CEP164: variants seen among roughly 807,000 people sequenced by gnomAD.
CEP164 encodes the protein centrosomal protein 164, also known as centrosomal protein of 164 kDa.
A neutral mutation model predicts 182.7 loss-of-function variants in CEP164; 162 were observed. The observed-to-expected ratio is 0.89, with a 90% CI of 0.78 to 1.01. CEP164 has a LOEUF of 1.01. CEP164 is among the 50% of genes least tolerant of loss of function. The pLI, the probability that CEP164 is intolerant of heterozygous loss-of-function variation, is 0.00. For missense variants in CEP164, 1,735 were observed against 1,790.4 expected, an observed-to-expected ratio of 0.97 and a Z score of 0.56; for synonymous variants, 661 against 690.0, an observed-to-expected ratio of 0.96 and a Z score of 0.66.
intron 17 of CEP164, among the ~76,000 whole-genome samples, chr11:117,391,487 G>A (rs997508354): frequency 3.3e-5 from 5 of 152,182 alleles, no homozygotes; most frequent in East Asian, 1.9e-4. Flanking sequence ...TGGCAGTGGC[G>A]GCTGGAGGTT....
chr11:117,408,750 A>G lies in CEP164; in HGVS notation c.3610-140A>G, dbSNP rs1043994073. 6 of 1,087,126 alleles carry G rather than the reference A, an allele frequency of 5.5e-6. No individual in the cohort carries two copies. In the African/African-American group the frequency reaches 7.9e-5, roughly 14 times the overall value. 67.3% of individuals were successfully genotyped at this position (1,087,126 alleles called of 1,614,324 possible). A position where few individuals can be genotyped will look rare whatever the true frequency, so the allele number is the denominator to read the frequency against. On this transcript the variant is annotated intron_variant, in intron 28 of 32. Transcript: ENST00000278935. Reference sequence around the variant, plus strand: ...AAATGGAGATGGCCATATTTCATGGATTTGCGTAAGAAAACCAGCTTAAAG... The same window carrying G: ...AAATGGAGATGGCCATATTTCATGGGTTTGCGTAAGAAAACCAGCTTAAAG...
chr11:117,357,270 C>T (rs2040413635), intron 5 of CEP164, among the ~76,000 whole-genome samples: 1 of 151,826 alleles, frequency 6.6e-6, no homozygotes, highest in East Asian at 1.9e-4. Context: ...CCACTCCCAG[C>T]CAATTTTTTT....
intron 4 of CEP164, among the ~76,000 whole-genome samples, chr11:117,346,406 G>A (rs1385844683): frequency 1.3e-5 from 2 of 151,960 alleles, no homozygotes; most frequent in Non-Finnish European, 2.9e-5. Context: ...TTACGTGTGT[G>A]TGCCACCACG....
At chr11:117,329,706 T>C (rs1246746915) in intron 1 of CEP164, among the ~76,000 whole-genome samples, 3 of 152,106 alleles carry the variant, frequency 2.0e-5, no homozygotes, top group African/African-American at 7.2e-5. Flanking sequence ...AACTCCTGGC[T>C]AATTTTTTGT....
chr11:117,400,843 T>C (rs1161294935), intron 27 of CEP164, among the ~76,000 whole-genome samples: 1 of 152,224 alleles, frequency 6.6e-6, no homozygotes, highest in Admixed American at 6.5e-5. Flanking sequence ...TTTTGTATCC[T>C]GAGACTTTGC....
At chr11:117,398,400 C>A (rs1024598150) in intron 27 of CEP164, among the ~76,000 whole-genome samples, 1 of 152,146 alleles carries the variant, frequency 6.6e-6, no homozygotes. Flanking sequence ...ACGGATCTAC[C>A]ATTCTGGGGG....
At chr11:117,407,483 GAA>G (rs2046837602) in intron 27 of CEP164, among the ~76,000 whole-genome samples, 1 of 130,014 alleles carries the variant, frequency 7.7e-6, no homozygotes, top group Non-Finnish European at 1.6e-5. Flanking sequence ...AAAAAAAAGA[GAA>G]AAAGAAAAAA....
intron 5 of CEP164, chr11:117,359,508 T>A: frequency 1.0e-6 from 1 of 985,414 alleles, no homozygotes; most frequent in Non-Finnish European, 1.2e-6. Flanking sequence ...GATGCAGAAA[T>A]GGGCCCTGCT....
At chr11:117,397,359 G>T (rs765402843) in intron 27 of CEP164, 46 bp downstream of exon 27, 2 of 1,554,138 alleles carry the variant, frequency 1.3e-6, no homozygotes, top group Admixed American at 1.8e-5. Flanking sequence ...TGGGGGAGGC[G>T]GGGGGAGTCA....
rs954324204 is a variant in CEP164 at position 117,405,006 on chromosome 11, C to G, written c.3502-2919C>G. Among the ~76,000 whole-genome samples the G allele has an allele frequency of 5.3e-5, 8 of 152,310 alleles. No homozygotes were observed. The South Asian group carries it at 1.7e-3, about 32-fold the overall frequency. On this transcript the variant is annotated intron_variant, in intron 27 of 32. Coordinates refer to ENST00000278935, the MANE Select transcript of CEP164 (RefSeq NM_014956.5). ...CTTAGTAATGGCAGATGCCCCGCCC[C>G]CACCAAGCTCGGGCATCCCAGGTCT...
chr11:117,361,544 A>G (rs12418678), intron 5 of CEP164, among the ~76,000 whole-genome samples: 30,860 of 151,818 alleles, frequency 0.2, 3,211 homozygotes, highest in Admixed American at 0.25. Flanking sequence ...CCGGCCTCCT[A>G]TATGGCTTCT....
At chr11:117,331,974 C>A (rs2036280879) in intron 1 of CEP164, among the ~76,000 whole-genome samples, 1 of 104,166 alleles carries the variant, frequency 9.6e-6, no homozygotes, top group Non-Finnish European at 1.8e-5. Flanking sequence ...CGCCACCATG[C>A]CTGGCTAATA....
In CEP164 at chr11:117,381,794, GCC is replaced by G; in HGVS notation, c.1505_1506del (p.Pro502ArgfsTer35). 6.3e-7 allele frequency: 1 copy of G among 1,576,148 alleles called. No homozygotes were observed. Among genetic ancestry groups the G allele is most frequent in the East Asian group, 2.3e-5 (1 of 43,110 alleles). ...AGCCTCCCCAGGGCCCCGAGGGGCA[GCC>G]CGAGTGGAAGGAGGCAGAGGAGCTT... Reference protein sequence around the residue: ...EEPPQGPEGQPEWKEAEELGE... With the variant: ...EEPPQGPEGQXEWKEAEELGE... On this transcript the variant is annotated frameshift_variant, in exon 13 of 33. Coordinates refer to ENST00000278935, the MANE Select transcript of CEP164 (RefSeq NM_014956.5). LOFTEE classifies it high-confidence loss of function.
intron 4 of CEP164, among the ~76,000 whole-genome samples, chr11:117,347,955 T>TTTGTTG (rs530021219): frequency 9.9e-5 from 15 of 151,400 alleles, no homozygotes; most frequent in African/African-American, 2.9e-4. Context: ...CTGAAGTTGG[T>TTTGTTG]TTGTTGTTGT....
In CEP164 at chr11:117,381,885, G is replaced by A. The variant is rs1382927463; in HGVS notation, c.1577+17G>A. 3.4e-6 allele frequency: 5 copies of A among 1,468,656 alleles called. No homozygotes were observed. The East Asian group carries it at 7.7e-5, about 23-fold the overall frequency. 91.0% of individuals were successfully genotyped at this position (1,468,656 alleles called of 1,614,324 possible). The stretch of plus-strand genomic sequence containing the variant: ...CCTCCAGAGGTAAGGATGAGGGGAA[G>A]CATCCTCATGAGGATGAGGGCTGGT... On this transcript the variant is annotated intron_variant, in intron 13 of 32. Coordinates refer to ENST00000278935, the MANE Select transcript of CEP164 (RefSeq NM_014956.5).
rs1340573716 is a variant in CEP164 at position 117,396,169 on chromosome 11, T to C, written c.3205T>C (p.Ser1069Pro). ...PDLHIEDLRK[S>P]LGTNQTKEVS... is the part of the protein sequence containing the mutation. ...TCTCCATATTGAGGACCTGAGGAAATCCCTTGGAACAGTGAGCTGGGGGCT... is the reference window on the plus strand; with the variant it reads ...TCTCCATATTGAGGACCTGAGGAAACCCCTTGGAACAGTGAGCTGGGGGCT... Residue 1069 changes from serine (S) to proline (P), a missense_variant, in exon 25 of 33, where the codon TCC (serine) becomes CCC (proline). Coordinates refer to ENST00000278935, the MANE Select transcript of CEP164 (RefSeq NM_014956.5). The C allele has an allele frequency of 3.1e-6, 3 of 964,890 alleles. No homozygotes were observed. The highest frequency in any genetic ancestry group is 3.5e-5 in the African/African-American group (2 of 57,464). The allele number at this position is 964,890 out of a possible 1,614,324, so 59.8% of individuals were successfully genotyped here. A position where few individuals can be genotyped will look rare whatever the true frequency, so the allele number is the denominator to read the frequency against.
rs909899651 is a variant in CEP164, at chr11:117,412,234, G to C, written c.*66G>C. On this transcript the variant is annotated 3_prime_UTR_variant, in exon 33 of 33. Transcript: ENST00000278935. ...ACCCAGACCAAGTGCCTGAGGAGCT[G>C]CCTGCCTTCTTCCATCTGAGAAAGC... 7.0e-7 allele frequency: 1 copy of C among 1,433,228 alleles called. No homozygotes were observed. Among genetic ancestry groups the C allele is most frequent in the African/African-American group, 1.4e-5 (1 of 70,316 alleles). The allele number at this position is 1,433,228 out of a possible 1,614,324, so 88.8% of individuals were successfully genotyped here.
intron 5 of CEP164, chr11:117,356,753 TACCC>T: frequency 1.1e-6 from 1 of 881,570 alleles, no homozygotes; most frequent in Non-Finnish European, 1.4e-6. Flanking sequence ...GCCCTTTAAC[TACCC>T]AAATGGCCAT....
intron 1 of CEP164, among the ~76,000 whole-genome samples, chr11:117,330,940 A>G (rs2036104566): frequency 6.6e-6 from 1 of 152,224 alleles, no homozygotes; most frequent in South Asian, 2.1e-4. Flanking sequence ...CAGAGCTGGG[A>G]TTGAAAGCCA....
Sources: allele counts gnomAD v4.1 joint callset (sites outside exome capture counted in the v4.1 genomes callset), GRCh38; gene constraint gnomAD v4.1.1; transcripts MANE v1.5; gene names NCBI Gene and HGNC (gene_info 2026-07-23, HGNC 2026-07-21).